The following BACH2 variants were observed in gnomAD, a reference collection of about 807,000 sequenced individuals.
BACH2 encodes the protein transcription regulator protein BACH2.
Under a neutral mutation model 61.8 loss-of-function variants are expected in BACH2, and 5 were observed. The observed-to-expected ratio is 0.08, with a 90% CI of 0.04 to 0.17. The LOEUF (loss-of-function observed/expected upper bound fraction) is 0.17. Ranked by LOEUF, BACH2 falls within the 10% of genes least tolerant of loss-of-function variation. The pLI, the probability that BACH2 is intolerant of heterozygous loss-of-function variation, is 1.00. For synonymous variants in BACH2, 446 were observed against 440.1 expected (o/e 1.01, Z -0.17); for missense variants, 824 against 1,091.1 (o/e 0.76, Z 3.45).
At chr6:90,248,505 GAGAA>G (rs1033231204) in intron 3 of BACH2, among the ~76,000 whole-genome samples, 1 of 152,192 alleles carries the variant, frequency 6.6e-6, no homozygotes, top group African/African-American at 2.4e-5. Context: ...GGAAAGAAAG[GAGAA>G]AGCAAAGTAT....
chr6:90,235,148 A>C (rs1443731400), intron 3 of BACH2, among the ~76,000 whole-genome samples: 1 of 152,238 alleles, frequency 6.6e-6, no homozygotes, highest in East Asian at 1.9e-4. Flanking sequence ...CCTAATTTGC[A>C]GAAGTTGCTA....
chr6:90,296,138 C>G (rs1772367690), intron 1 of BACH2, among the ~76,000 whole-genome samples: 1 of 152,124 alleles, frequency 6.6e-6, no homozygotes, highest in South Asian at 2.1e-4. Flanking sequence ...CTCCCCATGC[C>G]TGACTTATTA....
chr6:90,172,708 A>G (rs534880475), intron 4 of BACH2, among the ~76,000 whole-genome samples: 38 of 152,314 alleles, frequency 2.5e-4, no homozygotes, highest in African/African-American at 7.5e-4. Context: ...AAAAAATAAG[A>G]AAGTTTACTT....
intron 4 of BACH2, among the ~76,000 whole-genome samples, chr6:90,185,746 T>C (rs1034360835): frequency 1.3e-5 from 2 of 152,226 alleles, no homozygotes; most frequent in Non-Finnish European, 2.9e-5. Flanking sequence ...AAATGTTAAA[T>C]TCAACTGGTC....
At chr6:90,244,840 T>A (rs566687178) in intron 3 of BACH2, among the ~76,000 whole-genome samples, 2 of 152,326 alleles carry the variant, frequency 1.3e-5, no homozygotes, top group Non-Finnish European at 2.9e-5. Flanking sequence ...CTTAAGCTGC[T>A]GAAATTAACC....
At chr6:90,278,153 T>C (rs2174281) in intron 1 of BACH2, among the ~76,000 whole-genome samples, 55,995 of 152,136 alleles carry the variant, frequency 0.37, 11,237 homozygotes, top group Non-Finnish European at 0.46. Flanking sequence ...ATGTCAAATA[T>C]TAAAGCTTCA....
At chr6:90,239,989 T>A (rs1770391589) in intron 3 of BACH2, among the ~76,000 whole-genome samples, 1 of 152,156 alleles carries the variant, frequency 6.6e-6, no homozygotes, top group Non-Finnish European at 1.5e-5. Flanking sequence ...AAAATAAAGA[T>A]CTAAAAATTC....
intron 4 of BACH2, among the ~76,000 whole-genome samples, chr6:90,148,176 A>G (rs1438961914): frequency 6.6e-6 from 1 of 152,202 alleles, no homozygotes; most frequent in South Asian, 2.1e-4. Context: ...AAGATTTTCC[A>G]TTCAAGGAGT....
chr6:90,045,321 C>T (rs150890232), intron 5 of BACH2, among the ~76,000 whole-genome samples: 2,499 of 152,288 alleles, frequency 0.016, 79 homozygotes, highest in African/African-American at 0.056. Flanking sequence ...CTACTTCAGG[C>T]GTCTTGGTAA....
At chr6:90,113,715 A>G (rs896924076) in intron 4 of BACH2, among the ~76,000 whole-genome samples, 1 of 152,132 alleles carries the variant, frequency 6.6e-6, no homozygotes, top group Non-Finnish European at 1.5e-5. Context: ...AGACATGAAA[A>G]TTCAAAATAT....
intron 5 of BACH2, among the ~76,000 whole-genome samples, chr6:90,065,274 T>TTG (rs1453543202): frequency 1.5e-5 from 1 of 65,622 alleles, no homozygotes; most frequent in African/African-American, 4.6e-5. Context: ...CCCCCACTTT[T>TTG]TTTTTTTTTT....
At chr6:90,245,466 G>A (rs751236338) in intron 3 of BACH2, among the ~76,000 whole-genome samples, 33 of 152,218 alleles carry the variant, frequency 2.2e-4, no homozygotes, top group Admixed American at 9.8e-4. Flanking sequence ...GTTGTGGTGC[G>A]TGCCTGTAGT....
At chr6:90,072,232 T>C (rs963992494) in intron 5 of BACH2, among the ~76,000 whole-genome samples, 1 of 152,218 alleles carries the variant, frequency 6.6e-6, no homozygotes, top group African/African-American at 2.4e-5. Flanking sequence ...GCACTGGCAA[T>C]GTTACTATAA....
intron 7 of BACH2, among the ~76,000 whole-genome samples, chr6:89,947,186 A>G (rs1773778859): frequency 6.6e-6 from 1 of 152,196 alleles, no homozygotes; most frequent in South Asian, 2.1e-4. Flanking sequence ...CCCATATGAA[A>G]GCAGGGCAGG....
At chr6:90,057,148 C>T (rs995555519) in intron 5 of BACH2, among the ~76,000 whole-genome samples, 1 of 151,936 alleles carries the variant, frequency 6.6e-6, no homozygotes, top group African/African-American at 2.4e-5. Flanking sequence ...GAAATAGAGA[C>T]ACAAAAAACC....
rs1368115280 is a variant in BACH2 at position 90,103,894 on chromosome 6, T to C, written c.-161-14785A>G. Reference sequence around the variant, plus strand: ...GTTCTTCATATATGTATTTACAAATTTGTCCTGAAAACATCCATTTGAAAT... The same window carrying C: ...GTTCTTCATATATGTATTTACAAATCTGTCCTGAAAACATCCATTTGAAAT... On this transcript the variant is annotated intron_variant, in intron 4 of 8. Transcript: ENST00000257749. 2.0e-5 allele frequency among the ~76,000 whole-genome samples: 3 copies of C among 152,180 alleles called. No homozygotes were observed. In the East Asian group the frequency reaches 5.8e-4, roughly 29 times the overall value.
chr6:90,141,054 T>C (rs968980490), intron 4 of BACH2, among the ~76,000 whole-genome samples: 1 of 152,200 alleles, frequency 6.6e-6, no homozygotes, highest in Non-Finnish European at 1.5e-5. Flanking sequence ...CAAATTCTAG[T>C]GCAGCCATTA....
chr6:89,937,720 AG>A (rs1406305711), intron 8 of BACH2, among the ~76,000 whole-genome samples: 2 of 152,160 alleles, frequency 1.3e-5, no homozygotes, highest in African/African-American at 4.8e-5. Flanking sequence ...TAGTAGAGAC[AG>A]GGTTTCTCCA....
intron 6 of BACH2, among the ~76,000 whole-genome samples, chr6:89,986,926 G>A (rs555464353): frequency 1.3e-5 from 2 of 152,308 alleles, no homozygotes; most frequent in Admixed American, 1.3e-4. Flanking sequence ...GAAAAAATGA[G>A]GTCTGGAGAC....
Sources: gnomAD v4.1 joint callset for allele counts (sites outside exome capture counted in the v4.1 genomes callset) on GRCh38, gnomAD v4.1.1 for gene constraint, MANE v1.5 for transcripts, NCBI Gene and HGNC (gene_info 2026-07-23, HGNC 2026-07-21) for gene names.